PDE4B: variants seen among roughly 807,000 people sequenced by gnomAD.
PDE4B encodes phosphodiesterase 4B, also known as 3',5'-cyclic-AMP phosphodiesterase 4B.
A neutral mutation model predicts 82.2 loss-of-function variants in PDE4B; 20 were observed. That is an observed-to-expected ratio of 0.24 (90% CI 0.17 to 0.35). The LOEUF (loss-of-function observed/expected upper bound fraction) is 0.35. Ranked by LOEUF, PDE4B falls within the 10% of genes least tolerant of loss-of-function variation. PDE4B has a pLI of 1.00. For synonymous variants in PDE4B, 320 were observed against 318.9 expected, an observed-to-expected ratio of 1.00 and a Z score of -0.04; for missense variants, 655 against 907.2, an observed-to-expected ratio of 0.72 and a Z score of 3.57.
At chr1:65,894,579 C>T (rs893458468) in intron 1 of PDE4B, among the ~76,000 whole-genome samples, 7 of 152,004 alleles carry the variant, frequency 4.6e-5, no homozygotes, top group Admixed American at 6.6e-5. Context: ...GAAAATAAAA[C>T]GACATGTCTC....
chr1:65,812,293 G>C (rs1336541091), intron 1 of PDE4B, among the ~76,000 whole-genome samples: 1 of 152,018 alleles, frequency 6.6e-6, no homozygotes, highest in Non-Finnish European at 1.5e-5. Context: ...TAAATTTCTG[G>C]GTCCTCTTGT....
intron 1 of PDE4B, among the ~76,000 whole-genome samples, chr1:65,820,807 A>T (rs1485230870): frequency 6.6e-6 from 1 of 152,226 alleles, no homozygotes; most frequent in Non-Finnish European, 1.5e-5. Flanking sequence ...AGACAATTAG[A>T]AATAATTACA....
At chr1:65,965,709 CA>C (rs1482197851) in intron 3 of PDE4B, among the ~76,000 whole-genome samples, 1 of 152,098 alleles carries the variant, frequency 6.6e-6, no homozygotes, top group African/African-American at 2.4e-5. Context: ...TAGTGCTTAG[CA>C]CAGTGCATAG....
rs183608750 is a variant in PDE4B at position 66,107,825 on chromosome 1, A to G, written c.282-139635A>G. Among the ~76,000 whole-genome samples, 3 of 152,094 alleles carry G rather than the reference A, an allele frequency of 2.0e-5. No individual in the cohort carries two copies. In the East Asian group the frequency reaches 5.8e-4, roughly 29 times the overall value. On this transcript the variant is annotated intron_variant, in intron 3 of 16. Coordinates refer to ENST00000341517, the MANE Select transcript of PDE4B (RefSeq NM_002600.4). Reference sequence around the variant, plus strand: ...TGAGTTGTGTAAGCCTCAACTCAAGACAATAAAAGCTGTTTGTAGCCTTAT... The same window carrying G: ...TGAGTTGTGTAAGCCTCAACTCAAGGCAATAAAAGCTGTTTGTAGCCTTAT...
chr1:65,830,840 A>C (rs1242052440), intron 1 of PDE4B, among the ~76,000 whole-genome samples: 1 of 152,144 alleles, frequency 6.6e-6, no homozygotes, highest in African/African-American at 2.4e-5. Flanking sequence ...TTAGTTTCCT[A>C]GTTTTGAAAA....
chr1:65,923,241 C>A (rs1248690184), intron 3 of PDE4B, among the ~76,000 whole-genome samples: 1 of 152,142 alleles, frequency 6.6e-6, no homozygotes, highest in African/African-American at 2.4e-5. Flanking sequence ...AATACCAGGT[C>A]TCTGAGGGAC....
intron 7 of PDE4B, among the ~76,000 whole-genome samples, chr1:66,271,834 A>G (rs1655505529): frequency 6.6e-6 from 1 of 152,240 alleles, no homozygotes; most frequent in South Asian, 2.1e-4. Context: ...TTATTTAGGC[A>G]AATCACTATT....
chr1:65,906,653 C>T (rs1017320503), intron 1 of PDE4B, among the ~76,000 whole-genome samples: 1 of 152,076 alleles, frequency 6.6e-6, no homozygotes, highest in African/African-American at 2.4e-5. Flanking sequence ...TTGTCACTTT[C>T]TCTCTGTTGT....
chr1:66,089,311 T>C (rs1027297846), intron 3 of PDE4B, among the ~76,000 whole-genome samples: 3 of 152,148 alleles, frequency 2.0e-5, no homozygotes, highest in Admixed American at 6.6e-5. Context: ...TTTTAGATAG[T>C]TACTCAATTT....
At chr1:66,038,382 G>C (rs750749526) in intron 3 of PDE4B, among the ~76,000 whole-genome samples, 1 of 152,082 alleles carries the variant, frequency 6.6e-6, no homozygotes, top group South Asian at 2.1e-4. Context: ...AGGGGGTCTT[G>C]TTATGCAGAG....
chr1:65,894,896 C>T (rs537795885), intron 1 of PDE4B, among the ~76,000 whole-genome samples: 8 of 152,232 alleles, frequency 5.3e-5, no homozygotes, highest in African/African-American at 1.2e-4. Context: ...TTTTGGCAAA[C>T]GTGCAAAGTG....
chr1:66,179,566 G>A (rs909315450), intron 3 of PDE4B, among the ~76,000 whole-genome samples: 1 of 152,204 alleles, frequency 6.6e-6, no homozygotes, highest in African/African-American at 2.4e-5. Flanking sequence ...TAACCTATTT[G>A]TTCCTTACTG....
At chr1:65,800,971 A>G (rs145903119) in intron 1 of PDE4B, among the ~76,000 whole-genome samples, 233 of 152,290 alleles carry the variant, frequency 1.5e-3, no homozygotes, top group African/African-American at 5.4e-3. Flanking sequence ...TTTCTCTCTC[A>G]TCTTCCTCTG....
At chr1:66,359,737 C>T (rs1246528138) in intron 9 of PDE4B, among the ~76,000 whole-genome samples, 1 of 152,106 alleles carries the variant, frequency 6.6e-6, no homozygotes, top group Non-Finnish European at 1.5e-5. Flanking sequence ...AAGGCAGGCC[C>T]TATGGTAGCC....
In PDE4B at chr1:65,818,685, C is replaced by CATATATATATATATATATAT. The variant is rs58193032; in HGVS notation, c.-71+25456_-71+25457insTATATATATATATATATATA. Among the ~76,000 whole-genome samples the CATATATATATATATATATAT allele has an allele frequency of 1.2e-3, 167 of 143,750 alleles. 1 individual carries two copies. The East Asian group carries it at 0.025, about 22-fold the overall frequency. The allele number at this position is 143,750 out of a possible 152,430, so 94.3% of individuals were successfully genotyped here. ...ATACATATATATTCACACACACACA[C>CATATATATATATATATATAT]ATATATATATATATATATAAAATAA... On this transcript the variant is annotated intron_variant, in intron 1 of 16. Coordinates refer to ENST00000341517, the MANE Select transcript of PDE4B (RefSeq NM_002600.4).
At chr1:65,985,483 A>G (rs1650909993) in intron 3 of PDE4B, among the ~76,000 whole-genome samples, 1 of 152,202 alleles carries the variant, frequency 6.6e-6, no homozygotes, top group Non-Finnish European at 1.5e-5. Context: ...TAAAAAGATA[A>G]AAGCTTATTT....
Position 65,993,770 on chromosome 1 carries a change from A to G in PDE4B, c.281+74935A>G, listed in dbSNP as rs540941437. 1.2e-3 allele frequency among the ~76,000 whole-genome samples: 183 copies of G among 152,292 alleles called. 2 individuals are homozygous for G. Among genetic ancestry groups the G allele is most frequent in the African/African-American group, 4.3e-3 (179 of 41,580 alleles). On this transcript the variant is annotated intron_variant, in intron 3 of 16. Transcript: ENST00000341517. ...TTTAAGAGCTTCTTTTTTTAAAAAA[A>G]TGGACTTTAAAATTTATAGCTATTT...
At chr1:66,047,238 C>A (rs1477623318) in intron 3 of PDE4B, among the ~76,000 whole-genome samples, 1 of 151,696 alleles carries the variant, frequency 6.6e-6, no homozygotes, top group Admixed American at 6.6e-5. Context: ...CTCCAGGCTG[C>A]TTACTGGTTA....
chr1:66,259,371 G>A (rs1157275094), intron 6 of PDE4B, among the ~76,000 whole-genome samples: 1 of 152,036 alleles, frequency 6.6e-6, no homozygotes, highest in African/African-American at 2.4e-5. Flanking sequence ...ATCAGACCAG[G>A]TCTCTAGCCA....
Sources: allele counts gnomAD v4.1 joint callset (sites outside exome capture counted in the v4.1 genomes callset), GRCh38; gene constraint gnomAD v4.1.1; transcripts MANE v1.5; gene names NCBI Gene and HGNC (gene_info 2026-07-23, HGNC 2026-07-21).